Variants in NLGN1 observed in about 807,000 individuals in gnomAD.
The protein encoded by NLGN1 is neuroligin-1.
A neutral mutation model predicts 65.5 loss-of-function variants in NLGN1; 12 were observed. The ratio of observed to expected loss-of-function variants is 0.18; its 90% CI spans 0.12 to 0.30. The LOEUF is 0.30. NLGN1 is among the 10% of genes least tolerant of loss of function. NLGN1 has a pLI of 1.00. For missense variants in NLGN1, 750 were observed against 1,007.1 expected, an observed-to-expected ratio of 0.74 and a Z score of 3.46; for synonymous variants, 350 against 359.5, an observed-to-expected ratio of 0.97 and a Z score of 0.30.
intron 4 of NLGN1, among the ~76,000 whole-genome samples, chr3:173,818,895 C>CTTTTTTTTGTTTTTT (rs566937908): frequency 1.2e-4 from 11 of 92,388 alleles, no homozygotes; most frequent in African/African-American, 5.2e-4. Flanking sequence ...TTGAATAGTT[C>CTTTTTTTTGTTTTTT]TTTTTTTTTT....
intron 4 of NLGN1, among the ~76,000 whole-genome samples, chr3:173,884,571 A>G (rs1395557582): frequency 6.6e-6 from 1 of 152,142 alleles, no homozygotes; most frequent in East Asian, 1.9e-4. Flanking sequence ...CTTTGAGATT[A>G]GTTGAAATTT....
intron 3 of NLGN1, among the ~76,000 whole-genome samples, chr3:173,606,333 G>A (rs1751408866): frequency 6.6e-6 from 1 of 152,030 alleles, no homozygotes; most frequent in Non-Finnish European, 1.5e-5. Flanking sequence ...ACTGACAGCT[G>A]CAAGCTTGCA....
In NLGN1 at chr3:173,493,109, A is replaced by G. The variant is rs995351902; in HGVS notation, c.-321+58031A>G. ...TGGATTAAAGTTTTACCTATGGTAA[A>G]TTTCATTTATTCTTCAATATATGCC... On this transcript the variant is annotated intron_variant, in intron 2 of 6. Transcript: ENST00000457714. Among the ~76,000 whole-genome samples the G allele has an allele frequency of 3.4e-4, 51 of 151,944 alleles. 1 individual carries two copies. Among genetic ancestry groups the G allele is most frequent in the African/African-American group, 1.1e-3 (47 of 41,288 alleles).
chr3:173,766,020 A>G (rs149354455), intron 3 of NLGN1, among the ~76,000 whole-genome samples: 23 of 151,976 alleles, frequency 1.5e-4, no homozygotes, highest in Non-Finnish European at 3.2e-4. Context: ...ATTACTGTAC[A>G]CATATTATTA....
chr3:173,606,878 A>G (rs1333707003), intron 3 of NLGN1, among the ~76,000 whole-genome samples: 1 of 151,938 alleles, frequency 6.6e-6, no homozygotes, highest in Non-Finnish European at 1.5e-5. Context: ...TTTTCTGCAA[A>G]TGAAAATAAC....
intron 2 of NLGN1, among the ~76,000 whole-genome samples, chr3:173,544,669 GA>G (rs1260352633): frequency 1.3e-5 from 2 of 151,842 alleles, no homozygotes; most frequent in African/African-American, 4.8e-5. Flanking sequence ...GAAAGACCAG[GA>G]AAAAAATAAG....
At chr3:174,056,720 G>A (rs562489563) in intron 4 of NLGN1, among the ~76,000 whole-genome samples, 37 of 151,946 alleles carry the variant, frequency 2.4e-4, no homozygotes, top group Non-Finnish European at 4.6e-4. Context: ...TTACAAATAC[G>A]TTCAAGCACT....
At chr3:173,564,381 A>G (rs1174999732) in intron 2 of NLGN1, among the ~76,000 whole-genome samples, 1 of 152,264 alleles carries the variant, frequency 6.6e-6, no homozygotes, top group Non-Finnish European at 1.5e-5. Context: ...CTACTGAGAA[A>G]TGAATATTTA....
At chr3:173,571,467 G>A (rs550591188) in intron 2 of NLGN1, among the ~76,000 whole-genome samples, 146 of 152,200 alleles carry the variant, frequency 9.6e-4, no homozygotes, top group Middle Eastern at 6.8e-3. Flanking sequence ...TTTTTATGTT[G>A]CATTTTTCTT....
intron 4 of NLGN1, among the ~76,000 whole-genome samples, chr3:173,952,190 T>C (rs1192850481): frequency 1.3e-5 from 2 of 152,158 alleles, no homozygotes; most frequent in Non-Finnish European, 2.9e-5. Context: ...ACAGGTCTGT[T>C]CAATCAGTCC....
intron 2 of NLGN1, among the ~76,000 whole-genome samples, chr3:173,451,996 C>G (rs6773541): frequency 6.6e-6 from 1 of 152,212 alleles, no homozygotes; most frequent in Non-Finnish European, 1.5e-5. Flanking sequence ...TCCCTGACCC[C>G]TTGTGCTTCC....
chr3:173,842,020 AT>A (rs1172512673), intron 4 of NLGN1, among the ~76,000 whole-genome samples: 1 of 152,222 alleles, frequency 6.6e-6, no homozygotes, highest in African/African-American at 2.4e-5. Flanking sequence ...AAGTGGTTTA[AT>A]TGGACTCACA....
At chr3:174,054,492 C>A (rs1175611848) in intron 4 of NLGN1, among the ~76,000 whole-genome samples, 1 of 151,828 alleles carries the variant, frequency 6.6e-6, no homozygotes, top group Non-Finnish European at 1.5e-5. Context: ...ATTATCTGAT[C>A]CTCTCTTTAT....
intron 2 of NLGN1, among the ~76,000 whole-genome samples, chr3:173,489,590 G>A (rs1033603950): frequency 1.3e-5 from 2 of 152,202 alleles, no homozygotes; most frequent in East Asian, 3.9e-4. Flanking sequence ...AATCCTTTGG[G>A]TATATACCCA....
chr3:173,986,870 C>A (rs1026140503), intron 4 of NLGN1, among the ~76,000 whole-genome samples: 1 of 152,192 alleles, frequency 6.6e-6, no homozygotes, highest in African/African-American at 2.4e-5. Context: ...TTATTTAGTT[C>A]TTGTGCCCTA....
chr3:173,763,415 A>G (rs745895056), intron 3 of NLGN1, among the ~76,000 whole-genome samples: 7 of 152,124 alleles, frequency 4.6e-5, no homozygotes, highest in Non-Finnish European at 7.4e-5. Context: ...AAGACATGTA[A>G]TTTCATGCCC....
chr3:174,000,583 G>A (rs541019647), intron 4 of NLGN1, among the ~76,000 whole-genome samples: 15 of 152,154 alleles, frequency 9.9e-5, no homozygotes, highest in African/African-American at 3.6e-4. Context: ...GTAAATCAAG[G>A]TTAGTTAATA....
At chr3:173,759,601 C>A (rs1002283278) in intron 3 of NLGN1, among the ~76,000 whole-genome samples, 1 of 151,904 alleles carries the variant, frequency 6.6e-6, no homozygotes, top group Non-Finnish European at 1.5e-5. Flanking sequence ...CTATTGGCCA[C>A]GTAGCCATCT....
chr3:174,127,761 T>C (rs1410264900), intron 4 of NLGN1, among the ~76,000 whole-genome samples: 4 of 152,176 alleles, frequency 2.6e-5, no homozygotes, highest in Non-Finnish European at 5.9e-5. Flanking sequence ...TTATTTGAAA[T>C]GCAATAAGTT....
Sources: allele counts gnomAD v4.1 joint callset (sites outside exome capture counted in the v4.1 genomes callset), GRCh38; gene constraint gnomAD v4.1.1; transcripts MANE v1.5; gene names NCBI Gene and HGNC (gene_info 2026-07-23, HGNC 2026-07-21).